Variants in NIPBL observed in about 807,000 individuals in gnomAD.
NIPBL encodes NIPBL cohesin loading factor.
Under a neutral mutation model 321.8 loss-of-function variants are expected in NIPBL, and 19 were observed. The observed-to-expected ratio is 0.06, with a 90% CI of 0.04 to 0.09. NIPBL has a LOEUF of 0.09. Among genes scored for constraint, NIPBL ranks in the 10% least tolerant of loss-of-function variants. The pLI is 1.00. For missense variants in NIPBL, 2,210 were observed against 3,327.0 expected (o/e 0.66, Z 8.26); for synonymous variants, 1,106 against 1,114.1 (o/e 0.99, Z 0.14).
chr5:36,894,039 T>TAAAA, intron 1 of NIPBL, among the ~76,000 whole-genome samples: 1 of 152,264 alleles, frequency 6.6e-6, no homozygotes, highest in East Asian at 1.9e-4. Context: ...ACACACTACT[T>TAAAA]AAAAATATAA....
At chr5:36,953,907 G>A in intron 2 of NIPBL, 147 bp downstream of exon 2, 1 of 679,782 alleles carries the variant, frequency 1.5e-6, no homozygotes, top group Non-Finnish European at 2.6e-6. Flanking sequence ...AAAAAAAATT[G>A]ATAGCCTAAT....
At chr5:36,899,639 T>C (rs532227937) in intron 1 of NIPBL, among the ~76,000 whole-genome samples, 1 of 152,344 alleles carries the variant, frequency 6.6e-6, no homozygotes, top group South Asian at 2.1e-4. Context: ...GCTTTCTAAA[T>C]TTTGTGTTAG....
intron 24 of NIPBL, among the ~76,000 whole-genome samples, chr5:37,018,047 C>T (rs1308126122): frequency 6.6e-6 from 1 of 151,944 alleles, no homozygotes; most frequent in East Asian, 1.9e-4. Flanking sequence ...AGTATGATCC[C>T]CTTGACAAGT....
At chr5:36,939,866 T>G (rs1372042907) in intron 1 of NIPBL, among the ~76,000 whole-genome samples, 2 of 152,172 alleles carry the variant, frequency 1.3e-5, no homozygotes, top group African/African-American at 4.8e-5. Flanking sequence ...GCAGAGTCCT[T>G]GTGAACTAAT....
At chr5:37,055,010 G>A (rs756767425) in intron 42 of NIPBL, among the ~76,000 whole-genome samples, 1 of 152,088 alleles carries the variant, frequency 6.6e-6, no homozygotes, top group Non-Finnish European at 1.5e-5. Context: ...TGGTCACACT[G>A]GAGGTAATAA....
intron 1 of NIPBL, among the ~76,000 whole-genome samples, chr5:36,951,227 A>G (rs1740252437): frequency 6.6e-6 from 1 of 152,162 alleles, no homozygotes; most frequent in South Asian, 2.1e-4. Flanking sequence ...AACTAAATAC[A>G]TAGTCATTTT....
intron 4 of NIPBL, among the ~76,000 whole-genome samples, chr5:36,960,221 C>G (rs1359880063): frequency 6.6e-6 from 1 of 152,022 alleles, no homozygotes; most frequent in African/African-American, 2.4e-5. Context: ...TTGAAAAGGA[C>G]TGTTAGAATT....
intron 42 of NIPBL, among the ~76,000 whole-genome samples, chr5:37,054,195 C>CAA (rs1200216062): frequency 2.4e-4 from 14 of 57,492 alleles, no homozygotes; most frequent in Non-Finnish European, 3.0e-4. Flanking sequence ...GACTCCGTCT[C>CAA]AAAAAAAAAA....
chr5:36,978,699 T>G (rs982938133), intron 9 of NIPBL, among the ~76,000 whole-genome samples: 1 of 152,048 alleles, frequency 6.6e-6, no homozygotes. Context: ...GCAGGTTTTC[T>G]TCTAGGATTT....
At chr5:36,901,500 C>CTTTTTTTTTT (rs35178851) in intron 1 of NIPBL, among the ~76,000 whole-genome samples, 1 of 77,412 alleles carries the variant, frequency 1.3e-5, no homozygotes, top group Non-Finnish European at 2.3e-5. Context: ...CTTCTAAGTC[C>CTTTTTTTTTT]TTTTTTTTTT....
At chr5:36,958,297 T>C (rs964229477) in intron 4 of NIPBL, 66 bp downstream of exon 4, 2 of 1,539,128 alleles carry the variant, frequency 1.3e-6, no homozygotes, top group Non-Finnish European at 1.8e-6. Context: ...TCCAGGTGTC[T>C]TCTTTAACAA....
At chr5:36,917,767 T>G (rs1405825094) in intron 1 of NIPBL, among the ~76,000 whole-genome samples, 1 of 152,236 alleles carries the variant, frequency 6.6e-6, no homozygotes, top group African/African-American at 2.4e-5. Context: ...CCAGCACCAT[T>G]TATTAAATAG....
chr5:37,016,459 A>C lies in NIPBL; in HGVS notation c.4776+289A>C, dbSNP rs766733707. 1.4e-4 allele frequency among the ~76,000 whole-genome samples: 22 copies of C among 152,186 alleles called. No individual in the cohort carries two copies. In the Middle Eastern group the frequency reaches 0.017, roughly 118 times the overall value. ...AAAAGCATCTCAACACTGAGTCATA[A>C]GTTACTCATTTCAAAGCAAGAAAAT... On this transcript the variant is annotated intron_variant, in intron 23 of 46. Transcript: ENST00000282516.
intron 10 of NIPBL, among the ~76,000 whole-genome samples, chr5:36,987,616 T>C (rs1037309305): frequency 3.9e-5 from 6 of 152,232 alleles, no homozygotes. Flanking sequence ...TATTCTTGCT[T>C]GGTCTTCGTC....
At position 36,950,634 on chromosome 5, in the gene NIPBL, G is replaced by T. The variant is rs534710632; in HGVS notation, c.-79-2984G>T. ...TCAGTCACCAATCACAGATTGTAAAGCACTACCTTAAGTGACAGTTTTAAA... is the reference window on the plus strand; with the variant it reads ...TCAGTCACCAATCACAGATTGTAAATCACTACCTTAAGTGACAGTTTTAAA... On this transcript the variant is annotated intron_variant, in intron 1 of 46. Coordinates refer to ENST00000282516, the MANE Select transcript of NIPBL (RefSeq NM_133433.4). Among the ~76,000 whole-genome samples the T allele has an allele frequency of 3.5e-4, 54 of 152,176 alleles. 1 individual carries two copies. In the South Asian group the frequency reaches 5.0e-3, roughly 14 times the overall value.
At chr5:36,958,082 A>G (rs537130416) in intron 3 of NIPBL, 22 bp from the exon 4 acceptor site, 1 of 1,611,606 alleles carries the variant, frequency 6.2e-7, no homozygotes, top group South Asian at 1.1e-5. Flanking sequence ...TTAATTTTTG[A>G]TACTTATTTT....
At chr5:37,053,007 A>T (rs1185248003) in intron 42 of NIPBL, among the ~76,000 whole-genome samples, 1 of 152,154 alleles carries the variant, frequency 6.6e-6, no homozygotes, top group East Asian at 1.9e-4. Context: ...TGTGTATAGT[A>T]GTCCTCCCTT....
chr5:37,038,966 A>T (rs1409014401), intron 34 of NIPBL, among the ~76,000 whole-genome samples: 1 of 152,220 alleles, frequency 6.6e-6, no homozygotes, highest in Non-Finnish European at 1.5e-5. Context: ...GTAGATGCTT[A>T]CTAAATGTTA....
rs569060464 is a variant in NIPBL, at chr5:36,901,200, A to AT, written c.-80+24029dup. ...TACAAGAGATAACATGCAGTATTTGATTTTTTTGTTTCTGTATTAATTTGC... is the reference window on the plus strand; with the variant it reads ...TACAAGAGATAACATGCAGTATTTGATTTTTTTTGTTTCTGTATTAATTTGC... On this transcript the variant is annotated intron_variant, in intron 1 of 46. Transcript: ENST00000282516. Among the ~76,000 whole-genome samples the AT allele has an allele frequency of 1.3e-4, 20 of 151,984 alleles. 1 individual carries two copies. In the South Asian group the frequency reaches 2.7e-3, roughly 21 times the overall value.
Sources: allele counts gnomAD v4.1 joint callset (sites outside exome capture counted in the v4.1 genomes callset), GRCh38; gene constraint gnomAD v4.1.1; transcripts MANE v1.5; gene names NCBI Gene and HGNC (gene_info 2026-07-23, HGNC 2026-07-21).